NTM: variants seen among roughly 807,000 people sequenced by gnomAD.
NTM encodes neurotrimin, also known as IgLON family member 2.
A neutral mutation model predicts 42.1 loss-of-function variants in NTM; 13 were observed. The ratio of observed to expected loss-of-function variants is 0.31; its 90% CI spans 0.20 to 0.49. The LOEUF is 0.49. NTM is among the 20% of genes least tolerant of loss of function. The pLI, the probability that NTM is intolerant of heterozygous loss-of-function variation, is 0.99. For synonymous variants in NTM, 187 were observed against 179.2 expected, an observed-to-expected ratio of 1.04 and a Z score of -0.35; for missense variants, 373 against 452.8, an observed-to-expected ratio of 0.82 and a Z score of 1.60.
intron 4 of NTM, among the ~76,000 whole-genome samples, chr11:132,227,325 A>C (rs2086520925): frequency 6.6e-6 from 1 of 152,218 alleles, no homozygotes; most frequent in South Asian, 2.1e-4. Context: ...TACACATGAG[A>C]CATTGGAAAG....
chr11:131,760,395 A>G (rs563393397), intron 1 of NTM, among the ~76,000 whole-genome samples: 24 of 152,166 alleles, frequency 1.6e-4, no homozygotes, highest in Non-Finnish European at 2.6e-4. Context: ...AAAATCCCTG[A>G]GATTTATTCC....
chr11:132,105,102 C>T (rs2062185913), intron 2 of NTM, among the ~76,000 whole-genome samples: 2 of 150,778 alleles, frequency 1.3e-5, no homozygotes, highest in Admixed American at 6.6e-5. Context: ...ACCTCAGGTT[C>T]ACTGTGTCAG....
chr11:131,670,483 C>T (rs546985418), intron 1 of NTM, among the ~76,000 whole-genome samples: 33 of 152,100 alleles, frequency 2.2e-4, no homozygotes, highest in African/African-American at 7.7e-4. Context: ...CTGTCTGTTT[C>T]GTTCCCATTT....
At chr11:132,119,688 T>C (rs1035663796) in intron 2 of NTM, among the ~76,000 whole-genome samples, 2 of 152,194 alleles carry the variant, frequency 1.3e-5, no homozygotes, top group Admixed American at 6.5e-5. Context: ...AGTCTTCTGG[T>C]CCCGTGGCAT....
intron 1 of NTM, among the ~76,000 whole-genome samples, chr11:131,856,111 A>C (rs1249406573): frequency 6.6e-6 from 1 of 152,152 alleles, no homozygotes; most frequent in South Asian, 2.1e-4. Flanking sequence ...GAGCACTGGT[A>C]CTTGCTGGGG....
intron 1 of NTM, among the ~76,000 whole-genome samples, chr11:131,598,719 CTTTCTTTCT>C (rs1283391633): frequency 3.3e-5 from 3 of 89,704 alleles, no homozygotes; most frequent in Non-Finnish European, 7.2e-5. Flanking sequence ...TTCTTTCTTT[CTTTCTTTCT>C]TTCTTTCTTT....
intron 4 of NTM, among the ~76,000 whole-genome samples, chr11:132,233,930 C>A (rs535900156): frequency 1.3e-5 from 2 of 152,360 alleles, no homozygotes; most frequent in East Asian, 1.9e-4. Flanking sequence ...GTGGCCCCTG[C>A]CACCCTCCAG....
chr11:131,614,329 C>T (rs76269428), intron 1 of NTM, among the ~76,000 whole-genome samples: 209 of 152,340 alleles, frequency 1.4e-3, no homozygotes, highest in African/African-American at 4.6e-3. Flanking sequence ...GTGCAGAGTT[C>T]GGAAGGAATC....
At chr11:132,325,591 T>C (rs1485308282) in intron 7 of NTM, among the ~76,000 whole-genome samples, 1 of 152,076 alleles carries the variant, frequency 6.6e-6, no homozygotes, top group Non-Finnish European at 1.5e-5. Context: ...AGTTCAACCA[T>C]TGTGGAAGTC....
At position 131,969,194 on chromosome 11, in the gene NTM, C is replaced by A. The variant is rs76567728; in HGVS notation, c.167+57546C>A. Reference sequence around the variant, plus strand: ...AGGTGTCTTTCTGAGCCCCTTTCCTCCTCAAGGCTCAGTAGCTTACTTTCC... The same window carrying A: ...AGGTGTCTTTCTGAGCCCCTTTCCTACTCAAGGCTCAGTAGCTTACTTTCC... On this transcript the variant is annotated intron_variant, in intron 2 of 8. Transcript: ENST00000683400. Among the ~76,000 whole-genome samples the A allele has an allele frequency of 3.9e-4, 59 of 152,302 alleles. No homozygotes were observed. The East Asian group carries it at 0.011, about 28-fold the overall frequency.
chr11:131,885,194 C>A (rs535280123), intron 1 of NTM, among the ~76,000 whole-genome samples: 57 of 152,312 alleles, frequency 3.7e-4, no homozygotes, highest in Non-Finnish European at 7.5e-4. Context: ...TTCATTCATC[C>A]AAGCTGAGCA....
At chr11:131,874,011 T>TA (rs2048187564) in intron 1 of NTM, among the ~76,000 whole-genome samples, 7 of 77,426 alleles carry the variant, frequency 9.0e-5, no homozygotes, top group East Asian at 4.7e-4. Context: ...ACATATAATA[T>TA]ATTTATATAA....
intron 1 of NTM, among the ~76,000 whole-genome samples, chr11:131,528,891 G>A (rs1489620772): frequency 6.6e-6 from 1 of 152,126 alleles, no homozygotes; most frequent in Non-Finnish European, 1.5e-5. Context: ...TTCATCTTTT[G>A]TTGGTTCTAA....
At chr11:131,742,799 T>C (rs2081350023) in intron 1 of NTM, among the ~76,000 whole-genome samples, 1 of 152,166 alleles carries the variant, frequency 6.6e-6, no homozygotes, top group Non-Finnish European at 1.5e-5. Flanking sequence ...GAAAAGAATC[T>C]AGGTGAAGGG....
intron 1 of NTM, among the ~76,000 whole-genome samples, chr11:131,742,007 G>A (rs1305884424): frequency 1.3e-5 from 2 of 152,124 alleles, no homozygotes. Context: ...TTTCACGTAT[G>A]AGTAGGAGCT....
chr11:131,762,590 G>A (rs981965218), intron 1 of NTM, among the ~76,000 whole-genome samples: 2 of 152,210 alleles, frequency 1.3e-5, no homozygotes, highest in African/African-American at 2.4e-5. Flanking sequence ...CAGGTGTGAC[G>A]GCCCTGTCGC....
At chr11:132,000,308 G>T (rs1565917732) in intron 2 of NTM, among the ~76,000 whole-genome samples, 3 of 152,186 alleles carry the variant, frequency 2.0e-5, no homozygotes, top group Admixed American at 1.3e-4. Flanking sequence ...GGGGAGTTCT[G>T]TGGCCAGCAA....
chr11:131,438,937 C>A, intron 1 of NTM, among the ~76,000 whole-genome samples: 1 of 152,322 alleles, frequency 6.6e-6, no homozygotes, highest in Non-Finnish European at 1.5e-5. Context: ...TACCTTTACT[C>A]TTTGATGATG....
At chr11:132,221,434 C>T (rs1315789140) in intron 4 of NTM, among the ~76,000 whole-genome samples, 2 of 152,158 alleles carry the variant, frequency 1.3e-5, no homozygotes, top group African/African-American at 4.8e-5. Context: ...GGCTAATGGG[C>T]TAATGTGGCA....
Sources: gnomAD v4.1 joint callset for allele counts (sites outside exome capture counted in the v4.1 genomes callset) on GRCh38, gnomAD v4.1.1 for gene constraint, MANE v1.5 for transcripts, NCBI Gene and HGNC (gene_info 2026-07-23, HGNC 2026-07-21) for gene names.